COL23A1: variants seen among roughly 807,000 people sequenced by gnomAD.
The protein encoded by COL23A1 is collagen type XXIII alpha 1 chain, also known as collagen alpha-1(XXIII) chain.
In COL23A1, 97 loss-of-function variants were observed where a neutral mutation model predicts 99.3. The ratio of observed to expected loss-of-function variants is 0.98; its 90% CI spans 0.83 to 1.16. The LOEUF (loss-of-function observed/expected upper bound fraction) is 1.16. Among genes scored for constraint, COL23A1 ranks in the 50% most tolerant of loss-of-function variants. The pLI is 0.00. For missense variants in COL23A1, 762 were observed against 757.4 expected, an observed-to-expected ratio of 1.01 and a Z score of -0.07; for synonymous variants, 320 against 308.2, an observed-to-expected ratio of 1.04 and a Z score of -0.40.
intron 2 of COL23A1, among the ~76,000 whole-genome samples, chr5:178,336,351 G>T (rs1243826025): frequency 6.6e-6 from 1 of 152,198 alleles, no homozygotes; most frequent in Non-Finnish European, 1.5e-5. Context: ...GCCATCACCT[G>T]ATGAATGGGT....
intron 2 of COL23A1, among the ~76,000 whole-genome samples, chr5:178,517,443 G>A (rs1759584298): frequency 6.6e-6 from 1 of 151,902 alleles, no homozygotes; most frequent in African/African-American, 2.4e-5. Flanking sequence ...CAGTGTGCAG[G>A]AAGGATGCTA....
chr5:178,342,301 T>A (rs910366441), intron 2 of COL23A1, among the ~76,000 whole-genome samples: 9 of 152,200 alleles, frequency 5.9e-5, no homozygotes, highest in East Asian at 1.9e-4. Context: ...CTATGTGGAA[T>A]CGCTAGCACC....
intron 2 of COL23A1, among the ~76,000 whole-genome samples, chr5:178,325,340 C>CAAGGCCCTTCCTGGCT (rs1448250439): frequency 6.6e-6 from 1 of 152,208 alleles, no homozygotes; most frequent in Non-Finnish European, 1.5e-5. Context: ...GCTCCCTGGC[C>CAAGGCCCTTCCTGGCT]AGCCTGGACT....
rs1461806483 is a variant in COL23A1 at position 178,589,446 on chromosome 5, G to A, written c.294+458C>T. On this transcript the variant is annotated intron_variant, in intron 1 of 28. Transcript: ENST00000390654. The surrounding 1 kb of genome is among the most constrained non-coding windows in gnomAD (Gnocchi z 5.4). ...GGCCCAGCCCTCGGGCCTGTCTGAG[G>A]CTTTCCTCCGCCGTGACCACCGCCT... Among the ~76,000 whole-genome samples the A allele has an allele frequency of 6.6e-6, 1 of 152,114 alleles. No individual in the cohort carries two copies. Among genetic ancestry groups the A allele is most frequent in the Non-Finnish European group, 1.5e-5 (1 of 68,022 alleles).
intron 2 of COL23A1, among the ~76,000 whole-genome samples, chr5:178,538,185 C>T (rs1430817864): frequency 1.3e-5 from 2 of 152,308 alleles, no homozygotes; most frequent in South Asian, 2.1e-4. Context: ...CACACAAGAG[C>T]CCCAGAGGGC....
At chr5:178,588,746 C>A (rs1200156806) in intron 1 of COL23A1, among the ~76,000 whole-genome samples, 1 of 152,220 alleles carries the variant, frequency 6.6e-6, no homozygotes, top group Non-Finnish European at 1.5e-5. Flanking sequence ...GTCATCTTCT[C>A]CCACTTTCCT....
intron 2 of COL23A1, among the ~76,000 whole-genome samples, chr5:178,494,552 G>C (rs996412585): frequency 1.3e-5 from 2 of 152,210 alleles, no homozygotes; most frequent in Non-Finnish European, 2.9e-5. Context: ...GCACGTGCCT[G>C]TAATCCCAGC....
intron 2 of COL23A1, among the ~76,000 whole-genome samples, chr5:178,471,232 C>T (rs376915536): frequency 3.3e-5 from 4 of 121,470 alleles, no homozygotes; most frequent in East Asian, 4.3e-4. Context: ...AGTAATCATG[C>T]GTTTTATGTT....
chr5:178,470,110 C>T (rs567939773), intron 2 of COL23A1, among the ~76,000 whole-genome samples: 6 of 152,230 alleles, frequency 3.9e-5, no homozygotes, highest in Non-Finnish European at 7.3e-5. Flanking sequence ...GCTCAGCCTG[C>T]AGACATCTGC....
At chr5:178,331,552 C>T (rs535942786) in intron 2 of COL23A1, among the ~76,000 whole-genome samples, 86 of 152,208 alleles carry the variant, frequency 5.7e-4, no homozygotes, top group Non-Finnish European at 1.1e-3. Flanking sequence ...CCAAGGAATC[C>T]GCGGCCCTCG....
intron 2 of COL23A1, among the ~76,000 whole-genome samples, chr5:178,554,203 G>A (rs1258914047): frequency 6.6e-6 from 1 of 151,676 alleles, no homozygotes; most frequent in Non-Finnish European, 1.5e-5. Context: ...CTTTGAGATG[G>A]AGTCTCGCTC....
chr5:178,324,735 C>T (rs1284895177), intron 2 of COL23A1, among the ~76,000 whole-genome samples: 3 of 152,220 alleles, frequency 2.0e-5, no homozygotes, highest in African/African-American at 7.2e-5. Context: ...GACAGAAGTG[C>T]CTCACCAGTT....
rs367849110 is a variant in COL23A1 at position 178,247,517 on chromosome 5, C to T, written c.1296+9G>A. On this transcript the variant is annotated intron_variant, in intron 22 of 28. Coordinates refer to ENST00000390654, the MANE Select transcript of COL23A1 (RefSeq NM_173465.4). Reference sequence around the variant, plus strand: ...TCTGAGGCCAGTAGAGGGGTCTGTGCCCACTCACCTTGGGACCCTGGATTC... The same window carrying T: ...TCTGAGGCCAGTAGAGGGGTCTGTGTCCACTCACCTTGGGACCCTGGATTC... 16 of 1,613,854 alleles carry T rather than the reference C, an allele frequency of 9.9e-6. No individual in the cohort carries two copies. The highest frequency in any genetic ancestry group is 4.0e-5 in the African/African-American group (3 of 74,904).
chr5:178,270,284 C>T, intron 6 of COL23A1, 53 bp downstream of exon 6: 3 of 1,610,756 alleles, frequency 1.9e-6, no homozygotes, highest in South Asian at 2.2e-5. Flanking sequence ...CTCCTAGCCC[C>T]ACGGTGGCAG....
intron 2 of COL23A1, among the ~76,000 whole-genome samples, chr5:178,410,268 C>T (rs966397170): frequency 6.6e-6 from 1 of 152,156 alleles, no homozygotes; most frequent in Non-Finnish European, 1.5e-5. Flanking sequence ...AATAGGAATA[C>T]TTAATATTGT....
At chr5:178,245,068 C>CCAG (rs1764600627) in intron 25 of COL23A1, among the ~76,000 whole-genome samples, 4 of 125,518 alleles carry the variant, frequency 3.2e-5, no homozygotes, top group African/African-American at 1.4e-4. Context: ...CATCCATCCA[C>CCAG]TCATCATCTA....
intron 5 of COL23A1, among the ~76,000 whole-genome samples, chr5:178,276,497 A>C (rs963641102): frequency 2.6e-5 from 4 of 152,174 alleles, no homozygotes; most frequent in African/African-American, 9.7e-5. Context: ...TCAAATTACA[A>C]GGCTGGTGGG....
intron 2 of COL23A1, among the ~76,000 whole-genome samples, chr5:178,397,858 G>C (rs376354985): frequency 1.3e-5 from 2 of 152,154 alleles, no homozygotes; most frequent in Non-Finnish European, 2.9e-5. Context: ...GTGGTGACAC[G>C]TGCCTGTAGT....
rs528507565 is a variant in COL23A1 at position 178,542,133 on chromosome 5, C to T, written c.361+18549G>A. 7.2e-5 allele frequency among the ~76,000 whole-genome samples: 11 copies of T among 152,324 alleles called. No individual in the cohort carries two copies. The East Asian group carries it at 2.1e-3, about 29-fold the overall frequency. Reference sequence around the variant, plus strand: ...CCGCCTCCCGGGTTCAAGCAGTTCTCGAGCCTCAGTCTCCCGAGTAGCTGG... The same window carrying T: ...CCGCCTCCCGGGTTCAAGCAGTTCTTGAGCCTCAGTCTCCCGAGTAGCTGG... On this transcript the variant is annotated intron_variant, in intron 2 of 28. Transcript: ENST00000390654.
Sources: gnomAD v4.1 joint callset for allele counts (sites outside exome capture counted in the v4.1 genomes callset) on GRCh38, gnomAD v4.1.1 for gene constraint, Gnocchi (gnomAD v3.1) non-coding constraint, MANE v1.5 for transcripts, NCBI Gene and HGNC (gene_info 2026-07-23, HGNC 2026-07-21) for gene names.